Variants in SUGP2 observed in about 807,000 individuals in gnomAD.
SUGP2 encodes SURP and G-patch domain-containing protein 2.
A neutral mutation model predicts 90.5 loss-of-function variants in SUGP2; 24 were observed. The ratio of observed to expected loss-of-function variants is 0.27; its 90% CI spans 0.19 to 0.37. The LOEUF is 0.37. SUGP2 is among the 10% of genes least tolerant of loss of function. SUGP2 has a pLI of 1.00. For missense variants in SUGP2, 1,233 were observed against 1,363.3 expected (o/e 0.90, Z 1.51); for synonymous variants, 473 against 513.4 (o/e 0.92, Z 1.06).
intron 4 of SUGP2, among the ~76,000 whole-genome samples, chr19:19,013,961 C>T (rs2058398757): frequency 6.6e-6 from 1 of 152,184 alleles, no homozygotes; most frequent in African/African-American, 2.4e-5. Context: ...GGAAGTAAAG[C>T]CATAGTGGAT....
intron 2 of SUGP2, among the ~76,000 whole-genome samples, chr19:19,028,054 C>T (rs998137758): frequency 6.6e-6 from 1 of 152,114 alleles, no homozygotes; most frequent in Admixed American, 6.6e-5. Context: ...GAGGTGGGAC[C>T]AGTAGGGGGC....
At chr19:19,033,545 C>G (rs1200238103), upstream of SUGP2, 11 of 1,291,188 alleles carry the variant, frequency 8.5e-6, no homozygotes, top group East Asian at 3.8e-4. Context: ...GTCTCCGCAG[C>G]GCCGCGCCGC....
chr19:19,014,697 A>G (rs1011001130), intron 4 of SUGP2, among the ~76,000 whole-genome samples: 1 of 151,560 alleles, frequency 6.6e-6, no homozygotes, highest in African/African-American at 2.4e-5. Context: ...GCTACTTGGG[A>G]GGCTGAGGCA....
intron 4 of SUGP2, among the ~76,000 whole-genome samples, chr19:19,014,244 C>T (rs1014233439): frequency 2.0e-5 from 3 of 152,142 alleles, no homozygotes; most frequent in East Asian, 1.9e-4. Context: ...CCACTCGCCT[C>T]GGCTTCCCAA....
At chr19:18,997,798 A>AG (rs1246919744) in intron 8 of SUGP2, among the ~76,000 whole-genome samples, 2,164 of 150,276 alleles carry the variant, frequency 0.014, 36 homozygotes, top group African/African-American at 0.052. Context: ...AAAAAAAAAA[A>AG]AAAAAGAAAG....
At position 19,020,480 on chromosome 19, in the gene SUGP2, G is replaced by A. The variant is rs540489632; in HGVS notation, c.1730-1251C>T. Reference sequence around the variant, plus strand: ...TTTTTTTGAGATGGGGTCTCACTCTGTTGCCCAGGCTGGAGTGCAGTGGTC... The same window carrying A: ...TTTTTTTGAGATGGGGTCTCACTCTATTGCCCAGGCTGGAGTGCAGTGGTC... On this transcript the variant is annotated intron_variant, in intron 3 of 10. Transcript: ENST00000452918. Among the ~76,000 whole-genome samples the A allele has an allele frequency of 2.7e-3, 405 of 148,558 alleles. 2 individuals carry two copies. Among genetic ancestry groups the A allele is most frequent in the African/African-American group, 9.5e-3 (383 of 40,488 alleles).
At position 19,004,219 on chromosome 19, in the gene SUGP2, C is replaced by A; in HGVS notation, c.2878G>T (p.Val960Phe). Residue 960 changes from valine (V) to phenylalanine (F), a missense_variant, in exon 7 of 11, where the codon GTT (valine) becomes TTT (phenylalanine). Coordinates refer to ENST00000452918, the MANE Select transcript of SUGP2 (RefSeq NM_001017392.5). ...RKRISSKSLK[V>F]GMIPAPKRVC... is the part of the protein sequence containing the mutation. ...CTCTTGGGAGCTGGAATCATGCCAA[C>A]CTTCAATGACTTGCTGCTGATCCTC... The A allele has an allele frequency of 1.2e-6, 2 of 1,601,236 alleles. No individual in the cohort carries two copies. Among genetic ancestry groups the A allele is most frequent in the South Asian group, 2.2e-5 (2 of 89,450 alleles).
At chr19:19,023,447 C>T (rs914106717) in intron 3 of SUGP2, among the ~76,000 whole-genome samples, 19 of 152,134 alleles carry the variant, frequency 1.2e-4, no homozygotes, top group African/African-American at 4.6e-4. Context: ...CCCTCCTCAG[C>T]CTCCCAAGTA....
intron 5 of SUGP2, among the ~76,000 whole-genome samples, chr19:19,009,503 C>T (rs796609045): frequency 1.6e-4 from 24 of 152,120 alleles, no homozygotes; most frequent in African/African-American, 4.8e-4. Context: ...AAGGCAGTCC[C>T]GAAGACTATC....
At chr19:19,031,704 GA>G (rs894412608) in intron 1 of SUGP2, among the ~76,000 whole-genome samples, 10 of 145,776 alleles carry the variant, frequency 6.9e-5, no homozygotes, top group Non-Finnish European at 1.4e-4. Context: ...CTGTCTCAAA[GA>G]AAAAAAAAAT....
rs1375465768 is a variant in SUGP2 at position 19,021,211 on chromosome 19, A to T, written c.1730-1982T>A. On this transcript the variant is annotated intron_variant, in intron 3 of 10. Transcript: ENST00000452918. ...GAATGGTCTATTTGTTCAGCCACTC[A>T]ACTCAATTAAAATCACTGCTGAACT... 2.7e-5 allele frequency among the ~76,000 whole-genome samples: 4 copies of T among 150,264 alleles called. No homozygotes were observed. In the South Asian group the frequency reaches 8.4e-4, roughly 32 times the overall value.
chr19:19,008,554 C>A, intron 5 of SUGP2, 126 bp from the exon 6 acceptor site: 1 of 760,322 alleles, frequency 1.3e-6, no homozygotes, highest in African/African-American at 1.9e-5. Flanking sequence ...CCTTGCCCTT[C>A]GTCACATGTG....
Position 19,009,860 on chromosome 19 carries a change from G to A in SUGP2, c.2333C>T (p.Ala778Val), listed in dbSNP as rs1426231544. 1.9e-6 allele frequency: 3 copies of A among 1,604,434 alleles called. No individual in the cohort carries two copies. Among genetic ancestry groups the A allele is most frequent in the Non-Finnish European group, 2.6e-6 (3 of 1,173,720 alleles). ...GGACAGGAGTGAGCACCCACTGTCA[G>A]CAGATGGGCAGGGAGAAGAGGTCTG... Reference protein sequence around the residue: ...APQTSSPCPSADIDMKTMETA... With the variant: ...APQTSSPCPSVDIDMKTMETA... Residue 778 changes from alanine (A) to valine (V), a missense_variant, in exon 5 of 11, where the codon GCT (alanine) becomes GTT (valine). Coordinates refer to ENST00000452918, the MANE Select transcript of SUGP2 (RefSeq NM_001017392.5).
intron 1 of SUGP2, 31 bp from the exon 2 acceptor site, chr19:19,031,113 A>T: frequency 1.2e-6 from 2 of 1,600,084 alleles, no homozygotes; most frequent in Non-Finnish European, 1.7e-6. Flanking sequence ...ATACACTAAG[A>T]GCAACAACTT....
chr19:19,020,167 C>T (rs937349297), intron 3 of SUGP2, among the ~76,000 whole-genome samples: 13 of 151,782 alleles, frequency 8.6e-5, no homozygotes, highest in African/African-American at 2.9e-4. Flanking sequence ...CAGTGGCTCA[C>T]GCCTGTAATC....
intron 8 of SUGP2, among the ~76,000 whole-genome samples, chr19:18,997,893 G>C (rs567307841): frequency 6.6e-6 from 1 of 152,186 alleles, no homozygotes; most frequent in East Asian, 1.9e-4. Context: ...CAAAGCACAG[G>C]AGGAAGCTGT....
At chr19:19,032,601 C>T (rs887105974) in intron 1 of SUGP2, among the ~76,000 whole-genome samples, 34 of 152,266 alleles carry the variant, frequency 2.2e-4, no homozygotes, top group African/African-American at 7.9e-4. Context: ...TCATTCTGCG[C>T]TGGGTCCTTG....
At position 19,004,301 on chromosome 19, in the gene SUGP2, G is replaced by A. The variant is rs780830758; in HGVS notation, c.2796C>T (p.Asp932=). ...GTGACAAGGCAGGTGCTCCAGCCAG[G>A]TCGTCCTCGGCAGCCTCGCCGGGAA... The part of the protein sequence containing the change: ...DGLPGEAAED[D]LAGAPALSQA... The change falls in exon 7 of 11, where the codon GAC becomes GAT. Residue 932 remains aspartate, a synonymous_variant. Transcript: ENST00000452918. 1.2e-6 allele frequency: 2 copies of A among 1,613,738 alleles called. No individual in the cohort carries two copies. Among genetic ancestry groups the A allele is most frequent in the Non-Finnish European group, 1.7e-6 (2 of 1,179,804 alleles).
chr19:18,994,170 C>T (rs2057476182), intron 10 of SUGP2, 196 bp downstream of exon 10: 1 of 731,740 alleles, frequency 1.4e-6, no homozygotes, highest in Non-Finnish European at 2.2e-6. Context: ...TTTGCTCCTT[C>T]AGCAAACCTG....
Sources: allele counts gnomAD v4.1 joint callset (sites outside exome capture counted in the v4.1 genomes callset), GRCh38; gene constraint gnomAD v4.1.1; transcripts MANE v1.5; gene names NCBI Gene and HGNC (gene_info 2026-07-23, HGNC 2026-07-21).